The following RPE65 variants were observed in gnomAD, a reference collection of about 807,000 sequenced individuals.
The protein encoded by RPE65 is retinoid isomerohydrolase.
In RPE65, 58 loss-of-function variants were observed where a neutral mutation model predicts 68.5. That is an observed-to-expected ratio of 0.85 (90% CI 0.69 to 1.05). The LOEUF is 1.05. Among genes scored for constraint, RPE65 ranks in the 50% least tolerant of loss-of-function variants. The pLI, the probability that RPE65 is intolerant of heterozygous loss-of-function variation, is 0.00. For synonymous variants in RPE65, 220 were observed against 222.2 expected (o/e 0.99, Z 0.09); for missense variants, 643 against 629.9 (o/e 1.02, Z -0.22).
chr1:68,446,874 G>T lies in RPE65; in HGVS notation c.95-14C>A. 6.2e-7 allele frequency: 1 copy of T among 1,612,954 alleles called. No homozygotes were observed. The highest frequency in any genetic ancestry group is 8.5e-7 in the Non-Finnish European group (1 of 1,180,022). Reference sequence around the variant, plus strand: ...GGGGGATCCTGCCTGTGATGAAGGGGAGACAGAACATTGCTTCTTATCCCT... The same window carrying T: ...GGGGGATCCTGCCTGTGATGAAGGGTAGACAGAACATTGCTTCTTATCCCT... On this transcript the variant is annotated splice_polypyrimidine_tract_variant and intron_variant, in intron 2 of 13. Transcript: ENST00000262340.
Position 68,429,590 on chromosome 1 carries a change from CTT to C in RPE65, c.*184_*185del. On this transcript the variant is annotated 3_prime_UTR_variant, in exon 14 of 14. Coordinates refer to ENST00000262340, the MANE Select transcript of RPE65 (RefSeq NM_000329.3). Reference sequence around the variant, plus strand: ...GGAAGTATGATTATCTAAATACGTACTTTTTTTTTTAAATAAAGGAATTGCTT... The same window carrying C: ...GGAAGTATGATTATCTAAATACGTACTTTTTTTTAAATAAAGGAATTGCTT... 6.9e-6 allele frequency: 4 copies of C among 579,444 alleles called. No homozygotes were observed. The highest frequency in any genetic ancestry group is 1.2e-5 in the Non-Finnish European group (4 of 336,920). 35.9% of individuals were successfully genotyped at this position (579,444 alleles called of 1,614,324 possible).
At chr1:68,439,476 G>A (rs1459296205) in intron 7 of RPE65, 85 bp downstream of exon 7, 7 of 1,560,342 alleles carry the variant, frequency 4.5e-6, no homozygotes, top group Non-Finnish European at 6.2e-6. Flanking sequence ...AAAAAATATT[G>A]TGATCAGGAT....
chr1:68,438,799 C>G lies in RPE65; in HGVS notation c.998+143G>C, dbSNP rs942018505. On this transcript the variant is annotated intron_variant, in intron 9 of 13. Coordinates refer to ENST00000262340, the MANE Select transcript of RPE65 (RefSeq NM_000329.3). The stretch of plus-strand genomic sequence containing the variant: ...ATGTTCAGATTACCTAAACTTCCTA[C>G]TGCTTTTCCAATTACATTTTTGACT... 1.0e-5 allele frequency: 11 copies of G among 1,081,666 alleles called. No homozygotes were observed. In the African/African-American group the frequency reaches 1.2e-4, roughly 12 times the overall value. 67.0% of individuals were successfully genotyped at this position (1,081,666 alleles called of 1,614,324 possible). A position where few individuals can be genotyped will look rare whatever the true frequency, so the allele number is the denominator to read the frequency against.
At chr1:68,438,455 GAGCCATTTCCTCCC>G in intron 9 of RPE65, 139 bp from the exon 10 acceptor site, 1 of 995,556 alleles carries the variant, frequency 1.0e-6, no homozygotes, top group Non-Finnish European at 1.5e-6. Context: ...AGGTGTATCA[GAGCCATTTCCTCCC>G]GCCCACACAG....
Position 68,429,600 on chromosome 1 carries a change from TAAATAAA to T in RPE65, c.*169_*175del. The T allele has an allele frequency of 1.5e-6, 1 of 665,522 alleles. No homozygotes were observed. Among genetic ancestry groups the T allele is most frequent in the Admixed American group, 2.7e-5 (1 of 36,724 alleles). The allele number at this position is 665,522 out of a possible 1,614,324, so 41.2% of individuals were successfully genotyped here. ...TTATCTAAATACGTACTTTTTTTTT[TAAATAAA>T]GGAATTGCTTGCTCAACTCAGTGCT... On this transcript the variant is annotated 3_prime_UTR_variant, in exon 14 of 14. Coordinates refer to ENST00000262340, the MANE Select transcript of RPE65 (RefSeq NM_000329.3).
rs1050107863 is a variant in RPE65 at position 68,439,343 on chromosome 1, G to A, written c.726-20C>T. On this transcript the variant is annotated intron_variant, in intron 7 of 13. Transcript: ENST00000262340. ...CCAAAACTGTTCAGAAACACAAATG[G>A]GCTTGTGAATGAAAGGGCTGATTCT... is the stretch of plus-strand genomic sequence containing the variant. 3.1e-6 allele frequency: 5 copies of A among 1,612,022 alleles called. No homozygotes were observed. In the Admixed American group the frequency reaches 5.0e-5, roughly 16 times the overall value.
intron 10 of RPE65, among the ~76,000 whole-genome samples, chr1:68,433,969 T>G (rs1345197597): frequency 6.6e-6 from 1 of 151,896 alleles, no homozygotes; most frequent in Non-Finnish European, 1.5e-5. Context: ...GATTGGAAGT[T>G]CCTGGTGGAA....
intron 5 of RPE65, among the ~76,000 whole-genome samples, chr1:68,443,906 C>CTATT (rs1383663149): frequency 6.6e-6 from 1 of 152,136 alleles, no homozygotes; most frequent in Non-Finnish European, 1.5e-5. Flanking sequence ...TTGTTCTATG[C>CTATT]TATTTCATTC....
At position 68,438,141 on chromosome 1, in the gene RPE65, A is replaced by T. The variant is rs546019838; in HGVS notation, c.1128+46T>A. 7.3e-5 allele frequency: 118 copies of T among 1,611,588 alleles called. No homozygotes were observed. In the South Asian group the frequency reaches 1.2e-3, roughly 17 times the overall value. On this transcript the variant is annotated intron_variant, in intron 10 of 13. Transcript: ENST00000262340. The stretch of plus-strand genomic sequence containing the variant: ...GGCAGGAGGACAATTCCTGAGAGAG[A>T]TGAAACATTCTGGTTAAATCTGAAA...
intron 10 of RPE65, among the ~76,000 whole-genome samples, chr1:68,437,048 C>T (rs1285410032): frequency 6.6e-6 from 1 of 152,224 alleles, no homozygotes; most frequent in East Asian, 1.9e-4. Flanking sequence ...CTAGACTCTC[C>T]ACTTTCCAGT....
chr1:68,448,481 T>C, intron 2 of RPE65, 143 bp downstream of exon 2: 1 of 721,776 alleles, frequency 1.4e-6, no homozygotes, highest in African/African-American at 1.8e-5. Context: ...GAAAATGGGT[T>C]CTTGCTATAA....
At chr1:68,432,717 T>C (rs1645836021) in intron 10 of RPE65, among the ~76,000 whole-genome samples, 1 of 152,146 alleles carries the variant, frequency 6.6e-6, no homozygotes, top group Admixed American at 6.6e-5. Context: ...TGGGAAGCCA[T>C]TGGAGGGTTT....
intron 5 of RPE65, among the ~76,000 whole-genome samples, chr1:68,442,204 A>G (rs1010741441): frequency 6.6e-6 from 1 of 152,220 alleles, no homozygotes; most frequent in African/African-American, 2.4e-5. Context: ...GAGAAGCGCC[A>G]TCTAGCCCAG....
rs370553891 is a variant in RPE65 at position 68,439,255 on chromosome 1, A to T, written c.794T>A (p.Leu265His). 1.3e-5 allele frequency: 21 copies of T among 1,613,990 alleles called. No homozygotes were observed. The highest frequency in any genetic ancestry group is 1.8e-5 in the Non-Finnish European group (21 of 1,179,984). Reference protein sequence around the residue: ...TPVKINLFKFLSSWSLWGANY... With the variant: ...TPVKINLFKFHSSWSLWGANY... ...GGCTCCCCAAAGACTCCATGAAGAA[A>T]GGAACTTGAACAGGTTAATTTTGAC... Residue 265 changes from leucine to histidine, a missense_variant, in exon 8 of 14, where the codon CTT becomes CAT. Coordinates refer to ENST00000262340, the MANE Select transcript of RPE65 (RefSeq NM_000329.3).
Position 68,446,756 on chromosome 1 carries a change from G to A in RPE65, c.199C>T (p.Leu67=), listed in dbSNP as rs1219400458. Residue 67 remains leucine, a synonymous_variant, in exon 3 of 14, where the codon CTG becomes TTG. Coordinates refer to ENST00000262340, the MANE Select transcript of RPE65 (RefSeq NM_000329.3). Reference sequence around the variant, plus strand: ...CCTTCTTTAAAGTCAAACTTGTGCAGGAGGGCTTGCCCATCAAACAGGTGG... The same window carrying A: ...CCTTCTTTAAAGTCAAACTTGTGCAAGAGGGCTTGCCCATCAAACAGGTGG... ...FYHLFDGQAL[L]HKFDFKEGHV... is the part of the protein sequence containing the mutation. 1 of 1,614,194 alleles carries A rather than the reference G, an allele frequency of 6.2e-7. No individual in the cohort carries two copies. Among genetic ancestry groups the A allele is most frequent in the Admixed American group, 1.7e-5 (1 of 60,022 alleles).
In RPE65 at chr1:68,444,899, AC is replaced by A. The variant is rs1645931309; in HGVS notation, c.246-17del. On this transcript the variant is annotated splice_polypyrimidine_tract_variant and intron_variant, in intron 3 of 13. Coordinates refer to ENST00000262340, the MANE Select transcript of RPE65 (RefSeq NM_000329.3). ...GCGGATGAACCTGAAGGACATTGAA[AC>A]ATAGGGAAGAGTATAGACAGGAGCA... The A allele has an allele frequency of 1.2e-6, 2 of 1,611,342 alleles. No homozygotes were observed. The highest frequency in any genetic ancestry group is 1.7e-6 in the Non-Finnish European group (2 of 1,177,720).
intron 1 of RPE65, among the ~76,000 whole-genome samples, chr1:68,449,149 C>A (rs1308266198): frequency 2.0e-5 from 3 of 152,142 alleles, no homozygotes; most frequent in Non-Finnish European, 4.4e-5. Context: ...CTCACAGCAT[C>A]ATTGATTTTC....
intron 8 of RPE65, 32 bp downstream of exon 8, chr1:68,439,159 T>A: frequency 1.2e-6 from 2 of 1,614,044 alleles, no homozygotes; most frequent in South Asian, 2.2e-5. Flanking sequence ...TTCTTCAGAA[T>A]CACAAACTTG....
chr1:68,448,487 T>C (rs1395446616), intron 2 of RPE65, 137 bp downstream of exon 2: 9 of 749,736 alleles, frequency 1.2e-5, no homozygotes, highest in Admixed American at 2.2e-5. Context: ...GGGTTCTTGC[T>C]ATAAAAAGCC....
Sources: allele counts gnomAD v4.1 joint callset (sites outside exome capture counted in the v4.1 genomes callset), GRCh38; gene constraint gnomAD v4.1.1; transcripts MANE v1.5; gene names NCBI Gene and HGNC (gene_info 2026-07-23, HGNC 2026-07-21).